PDGFA: variants seen among roughly 807,000 people sequenced by gnomAD.
PDGFA encodes platelet-derived growth factor subunit A.
Under a neutral mutation model 25.6 loss-of-function variants are expected in PDGFA, and 9 were observed. The ratio of observed to expected loss-of-function variants is 0.35; its 90% CI spans 0.21 to 0.61. The LOEUF (loss-of-function observed/expected upper bound fraction) is 0.61, where lower values mean the gene tolerates loss of function less well. Ranked by LOEUF, PDGFA falls within the 20% of genes least tolerant of loss-of-function variation. PDGFA has a pLI of 0.75. For synonymous variants in PDGFA, 133 were observed against 111.8 expected (o/e 1.19, Z -1.20); for missense variants, 242 against 272.8 (o/e 0.89, Z 0.79).
intron 4 of PDGFA, among the ~76,000 whole-genome samples, chr7:503,487 GCC>G (rs1304432280): frequency 6.6e-6 from 1 of 152,108 alleles, no homozygotes; most frequent in Non-Finnish European, 1.5e-5. Flanking sequence ...GATGCCCCCA[GCC>G]CAGTGGCCCT....
chr7:517,338 G>A lies in PDGFA; in HGVS notation c.160+56C>T. On this transcript the variant is annotated intron_variant, in intron 2 of 5. Transcript: ENST00000402802. The surrounding 1 kb of genome is among the most constrained non-coding windows in gnomAD (Gnocchi z 7.4). ...GCCCCGCCCGGCCCCAGCTCGGGGC[G>A]CACAGGCCGCCCGCCCGCGCCCTCC... 9 of 828,308 alleles carry A rather than the reference G, an allele frequency of 1.1e-5. No homozygotes were observed. In the South Asian group the frequency reaches 1.3e-4, roughly 12 times the overall value. 51.3% of individuals were successfully genotyped at this position (828,308 alleles called of 1,614,324 possible). A position where few individuals can be genotyped will look rare whatever the true frequency, so the allele number is the denominator to read the frequency against.
upstream of PDGFA, chr7:520,496 G>A (rs1347424775): frequency 6.5e-6 from 1 of 152,870 alleles, no homozygotes; most frequent in African/African-American, 2.4e-5. Flanking sequence ...CTCCAGTCGG[G>A]GAAAGGGCCT....
intron 4 of PDGFA, among the ~76,000 whole-genome samples, chr7:510,208 C>A (rs555306857): frequency 3.9e-5 from 6 of 152,140 alleles, no homozygotes; most frequent in African/African-American, 1.4e-4. Context: ...CCAGGCTCGT[C>A]GCCAGAGCAG....
intron 4 of PDGFA, among the ~76,000 whole-genome samples, chr7:505,519 G>A (rs1251727297): frequency 1.3e-5 from 2 of 152,178 alleles, no homozygotes; most frequent in African/African-American, 2.4e-5. Flanking sequence ...CACTCCCTGC[G>A]GGGGACCCCA....
At chr7:518,485 A>C in intron 1 of PDGFA, 3 of 154,700 alleles carry the variant, frequency 1.9e-5, no homozygotes, top group Non-Finnish European at 4.3e-5. Flanking sequence ...GGGACTGGGA[A>C]CCGAGGGCTG....
intron 3 of PDGFA, among the ~76,000 whole-genome samples, chr7:511,997 G>A (rs527375544): frequency 1.5e-3 from 225 of 152,350 alleles, no homozygotes; most frequent in African/African-American, 5.2e-3. Flanking sequence ...AATTAGGCGC[G>A]ACCACGTTTC....
chr7:506,846 C>G (rs1410409294), intron 4 of PDGFA, among the ~76,000 whole-genome samples: 1 of 152,234 alleles, frequency 6.6e-6, no homozygotes, highest in East Asian at 1.9e-4. Flanking sequence ...GGCAGTGACA[C>G]TCCCAGCTTC....
At position 510,852 on chromosome 7, in the gene PDGFA, C is replaced by CT; in HGVS notation, c.409dup (p.Ser137LysfsTer117). 1 of 1,609,880 alleles carries CT rather than the reference C, an allele frequency of 6.2e-7. No homozygotes were observed. Among genetic ancestry groups the CT allele is most frequent in the South Asian group, 1.1e-5 (1 of 90,662 alleles). ...GACGCGGGAGGGCTGGCACTTGACA[C>CT]TGCTCGTGTTGCAGCAGCCGGTGCA... is the stretch of plus-strand genomic sequence containing the variant. On this transcript the variant is annotated frameshift_variant, in exon 4 of 6. Transcript: ENST00000402802. LOFTEE classifies it high-confidence loss of function.
chr7:500,716 T>G lies in PDGFA; in HGVS notation c.580+400A>C, dbSNP rs545608559. 2 of 1,438,854 alleles carry G rather than the reference T, an allele frequency of 1.4e-6. No homozygotes were observed. The highest frequency in any genetic ancestry group is 1.5e-5 in the South Asian group (1 of 68,144). The allele number at this position is 1,438,854 out of a possible 1,614,324, so 89.1% of individuals were successfully genotyped here. ...CCTGGGTGGAGTCCGCGTGGCGGGG[T>G]GAAGGAGAGACCCCAGCCAGCCAGG... On this transcript the variant is annotated intron_variant, in intron 5 of 5. Transcript: ENST00000402802. The surrounding 1 kb of genome is among the most constrained non-coding windows in gnomAD (Gnocchi z 5.0).
At chr7:499,144 T>A (rs371871416) in intron 5 of PDGFA, among the ~76,000 whole-genome samples, 41 of 152,360 alleles carry the variant, frequency 2.7e-4, no homozygotes, top group East Asian at 1.2e-3. Context: ...CCTCTCACCA[T>A]GGGGTCTGTC....
exon 6 of PDGFA, chr7:498,284 TTG>T (rs1183337469): frequency 1.0e-5 from 5 of 498,622 alleles, no homozygotes; most frequent in Non-Finnish European, 1.8e-5. Flanking sequence ...TGAGTCCGTT[TTG>T]TTTTTGTCAT....
intron 4 of PDGFA, among the ~76,000 whole-genome samples, chr7:507,287 G>A (rs1367603215): frequency 6.6e-6 from 1 of 152,242 alleles, no homozygotes; most frequent in African/African-American, 2.4e-5. Flanking sequence ...TGGGCCGCCA[G>A]GCTCTGCTGC....
rs145726150 is a variant in PDGFA, at chr7:512,291, G to C, written c.265+60C>G. Reference sequence around the variant, plus strand: ...CACCCGGCCCTGCCCTGCCCATCGCGGCCTCCTGGACTCACCCTGACCCGG... The same window carrying C: ...CACCCGGCCCTGCCCTGCCCATCGCCGCCTCCTGGACTCACCCTGACCCGG... On this transcript the variant is annotated intron_variant, in intron 3 of 5. Transcript: ENST00000402802. 7.8e-4 allele frequency: 1,141 copies of C among 1,469,012 alleles called. 28 individuals are homozygous for C. The South Asian group carries it at 0.014, about 18-fold the overall frequency. The allele number at this position is 1,469,012 out of a possible 1,614,324, so 91.0% of individuals were successfully genotyped here.
chr7:501,794 G>T (rs10225512), intron 4 of PDGFA, among the ~76,000 whole-genome samples: 4 of 152,046 alleles, frequency 2.6e-5, no homozygotes, highest in Non-Finnish European at 4.4e-5. Context: ...GTGTGCCTGG[G>T]GGGGCTGAAG....
intron 3 of PDGFA, among the ~76,000 whole-genome samples, chr7:511,831 A>G (rs1782864119): frequency 6.6e-6 from 1 of 152,052 alleles, no homozygotes; most frequent in Admixed American, 6.5e-5. Flanking sequence ...ATATCCCCCA[A>G]ATGGACGCGG....
At chr7:497,969 A>AAAAAAAAAAAAAAAAAAAAAAAAAAAAC (rs1583133471) in exon 6 of PDGFA, 1 of 133,746 alleles carries the variant, frequency 7.5e-6, no homozygotes, top group Non-Finnish European at 1.6e-5. Context: ...CAAAAAAAAA[A>AAAAAAAAAAAAAAAAAAAAAAAAAAAAC]AAAACAAAAC....
At chr7:519,289 G>C (rs1221561415) in exon 1 of PDGFA, 1 of 334,246 alleles carries the variant, frequency 3.0e-6, no homozygotes, top group East Asian at 4.9e-5. Context: ...CGGAGGGCGG[G>C]GGCTGGGCTT....
At chr7:504,439 T>A (rs568136390) in intron 4 of PDGFA, among the ~76,000 whole-genome samples, 2 of 152,014 alleles carry the variant, frequency 1.3e-5, no homozygotes, top group African/African-American at 4.8e-5. Context: ...TAACTAGGGA[T>A]CCCAGTGCGC....
At chr7:503,175 T>C (rs1782423442) in intron 4 of PDGFA, among the ~76,000 whole-genome samples, 1 of 152,072 alleles carries the variant, frequency 6.6e-6, no homozygotes, top group South Asian at 2.1e-4. Flanking sequence ...CTGTCCCTAA[T>C]TGCTAGGCTG....
Sources: gnomAD v4.1 joint callset for allele counts (sites outside exome capture counted in the v4.1 genomes callset) on GRCh38, gnomAD v4.1.1 for gene constraint, Gnocchi (gnomAD v3.1) non-coding constraint, MANE v1.5 for transcripts, NCBI Gene and HGNC (gene_info 2026-07-23, HGNC 2026-07-21) for gene names.